SHANK2: variants seen among roughly 807,000 people sequenced by gnomAD.
The protein encoded by SHANK2 is SH3 and multiple ankyrin repeat domains protein 2.
Under a neutral mutation model 133.7 loss-of-function variants are expected in SHANK2, and 43 were observed. The ratio of observed to expected loss-of-function variants is 0.32; its 90% CI spans 0.25 to 0.41. SHANK2 has a LOEUF of 0.41. Ranked by LOEUF, SHANK2 falls within the 10% of genes least tolerant of loss-of-function variation. The probability of loss-of-function intolerance (pLI) is 1.00; values close to 1 mark genes in which losing one functional copy is unlikely to be tolerated. For missense variants in SHANK2, 1,994 were observed against 2,235.8 expected (o/e 0.89, Z 2.18); for synonymous variants, 1,017 against 952.8 (o/e 1.07, Z -1.24).
intron 1 of SHANK2, among the ~76,000 whole-genome samples, chr11:71,229,133 A>G (rs1426534095): frequency 6.6e-6 from 1 of 152,238 alleles, no homozygotes; most frequent in Non-Finnish European, 1.5e-5. Context: ...AGATTCACCA[A>G]ATAAAAACAA....
At chr11:70,932,940 T>C (rs557505580) in intron 10 of SHANK2, among the ~76,000 whole-genome samples, 2 of 152,198 alleles carry the variant, frequency 1.3e-5, no homozygotes, top group African/African-American at 2.4e-5. Context: ...GCAGCTCCTA[T>C]GGAAAACAGT....
At chr11:70,619,132 G>T (rs1397957174) in intron 17 of SHANK2, among the ~76,000 whole-genome samples, 6 of 152,208 alleles carry the variant, frequency 3.9e-5, no homozygotes, top group African/African-American at 1.4e-4. Flanking sequence ...CTTCCTGAGG[G>T]TTCATCATTT....
chr11:70,490,969 C>T (rs1555155712), intron 22 of SHANK2, among the ~76,000 whole-genome samples: 1 of 152,230 alleles, frequency 6.6e-6, no homozygotes, highest in African/African-American at 2.4e-5. Context: ...AGGGGCACAG[C>T]CTGGAGTCTG....
At chr11:70,791,276 G>T (rs1438668835) in intron 14 of SHANK2, among the ~76,000 whole-genome samples, 3 of 152,178 alleles carry the variant, frequency 2.0e-5, no homozygotes, top group Non-Finnish European at 4.4e-5. Flanking sequence ...TAGGCACCAT[G>T]CAGGGCACAG....
chr11:70,585,855 T>C (rs2060243475), intron 17 of SHANK2, among the ~76,000 whole-genome samples: 2 of 77,608 alleles, frequency 2.6e-5, no homozygotes, highest in Non-Finnish European at 4.7e-5. Flanking sequence ...CCCATGCATT[T>C]GTCCATCCAA....
At chr11:71,239,085 G>A (rs1335496361) in intron 1 of SHANK2, among the ~76,000 whole-genome samples, 1 of 152,286 alleles carries the variant, frequency 6.6e-6, no homozygotes, top group Non-Finnish European at 1.5e-5. Flanking sequence ...AGGACTGGCT[G>A]TCAACAGATG....
intron 1 of SHANK2, among the ~76,000 whole-genome samples, chr11:71,235,609 A>AC (rs56115512): frequency 0.013 from 1,926 of 151,608 alleles, 37 homozygotes; most frequent in African/African-American, 0.044. Flanking sequence ...AAAAAAAAAA[A>AC]ACGTTAACTT....
rs1554973922 is a variant in SHANK2, at chr11:70,535,036, ACT to A, written c.2062-32107_2062-32106del. Reference sequence around the variant, plus strand: ...GGTCAGGGTGGTCCTCAGCTCTCACACTCTGCTTCCCACCCATGTTGAACAGG... The same window carrying A: ...GGTCAGGGTGGTCCTCAGCTCTCACACTGCTTCCCACCCATGTTGAACAGG... On this transcript the variant is annotated intron_variant, in intron 17 of 25. Transcript: ENST00000601538. The surrounding 1 kb of genome is among the most constrained non-coding windows in gnomAD (Gnocchi z 4.3). 6.6e-6 allele frequency among the ~76,000 whole-genome samples: 1 copy of A among 152,000 alleles called. No homozygotes were observed.
chr11:70,735,398 C>G (rs1946382428), intron 14 of SHANK2, among the ~76,000 whole-genome samples: 2 of 152,136 alleles, frequency 1.3e-5, no homozygotes, highest in African/African-American at 2.4e-5. Context: ...GCCAGCCTCA[C>G]CCAGCATGAT....
chr11:70,608,184 G>A (rs2060605527), intron 17 of SHANK2, among the ~76,000 whole-genome samples: 1 of 152,194 alleles, frequency 6.6e-6, no homozygotes, highest in Non-Finnish European at 1.5e-5. Context: ...ACAGGGTTTT[G>A]CCACGTAGCC....
chr11:70,642,072 A>G (rs1412227988), intron 17 of SHANK2, among the ~76,000 whole-genome samples: 1 of 152,196 alleles, frequency 6.6e-6, no homozygotes, highest in South Asian at 2.1e-4. Flanking sequence ...TCAGAAGGAC[A>G]GGGGCTGGGG....
intron 21 of SHANK2, among the ~76,000 whole-genome samples, chr11:70,496,223 T>C (rs957019416): frequency 6.6e-6 from 1 of 152,206 alleles, no homozygotes; most frequent in Non-Finnish European, 1.5e-5. Context: ...GCATAACAGC[T>C]TTCCTGGGAT....
At chr11:70,550,166 AC>A (rs1554977539) in intron 17 of SHANK2, among the ~76,000 whole-genome samples, 1 of 150,566 alleles carries the variant, frequency 6.6e-6, no homozygotes, top group Admixed American at 6.6e-5. Context: ...CCATCAACCC[AC>A]CCCCTCTATG....
intron 17 of SHANK2, among the ~76,000 whole-genome samples, chr11:70,622,239 A>G (rs2060838404): frequency 6.6e-6 from 1 of 152,086 alleles, no homozygotes; most frequent in African/African-American, 2.4e-5. Flanking sequence ...CTGCCTGCCA[A>G]AGGCTTCCCC....
chr11:71,250,187 A>G (rs1226738280), intron 1 of SHANK2, among the ~76,000 whole-genome samples: 2 of 152,142 alleles, frequency 1.3e-5, no homozygotes, highest in African/African-American at 4.8e-5. Context: ...CTCTGGGATC[A>G]TCTTTATAGG....
intron 12 of SHANK2, 39 bp downstream of exon 12, chr11:70,820,325 G>A (rs782404974): frequency 3.2e-5 from 19 of 598,088 alleles, no homozygotes; most frequent in African/African-American, 7.6e-5. Context: ...CCCCCAGCAC[G>A]TGGCGGTCTT....
chr11:70,623,280 G>A lies in SHANK2; in HGVS notation c.2061+36548C>T, dbSNP rs190005703. On this transcript the variant is annotated intron_variant, in intron 17 of 25. Coordinates refer to ENST00000601538, the MANE Select transcript of SHANK2 (RefSeq NM_012309.5). ...ATGGCCTCTGCCCCTCCAGGTCCCC[G>A]GGCGGTTTTTGCCTCTGGGGCTCTA... 5.6e-3 allele frequency among the ~76,000 whole-genome samples: 854 copies of A among 152,086 alleles called. 3 individuals are homozygous for A. Among genetic ancestry groups the A allele is most frequent in the Admixed American group, 8.6e-3 (132 of 15,282 alleles).
intron 8 of SHANK2, among the ~76,000 whole-genome samples, chr11:71,090,575 C>T: frequency 1.7e-5 from 1 of 60,484 alleles, no homozygotes; most frequent in Non-Finnish European, 2.9e-5. Flanking sequence ...TGTCCTGCTG[C>T]TTCTACATTC....
chr11:70,782,945 C>A (rs539893344), intron 14 of SHANK2, among the ~76,000 whole-genome samples: 3 of 152,300 alleles, frequency 2.0e-5, no homozygotes, highest in Non-Finnish European at 4.4e-5. Flanking sequence ...AATTCACGGA[C>A]CCGCAATGTG....
Sources: allele counts gnomAD v4.1 joint callset (sites outside exome capture counted in the v4.1 genomes callset), GRCh38; gene constraint gnomAD v4.1.1; non-coding constraint Gnocchi (gnomAD v3.1); transcripts MANE v1.5; gene names NCBI Gene and HGNC (gene_info 2026-07-23, HGNC 2026-07-21).